ADCY2: variants seen among roughly 807,000 people sequenced by gnomAD.
ADCY2 encodes adenylate cyclase type 2.
ADCY2 carries 31 observed loss-of-function variants against 125.2 expected under a neutral mutation model. The ratio of observed to expected loss-of-function variants is 0.25; its 90% CI spans 0.19 to 0.33. The LOEUF (loss-of-function observed/expected upper bound fraction) is 0.33, where lower values mean the gene tolerates loss of function less well. Among genes scored for constraint, ADCY2 ranks in the 10% least tolerant of loss-of-function variants. The pLI, the probability that ADCY2 is intolerant of heterozygous loss-of-function variation, is 1.00. For synonymous variants in ADCY2, 512 were observed against 548.4 expected, an observed-to-expected ratio of 0.93 and a Z score of 0.93; for missense variants, 904 against 1,418.2, an observed-to-expected ratio of 0.64 and a Z score of 5.82.
At chr5:7,713,967 G>C (rs1318700022) in intron 11 of ADCY2, among the ~76,000 whole-genome samples, 1 of 152,156 alleles carries the variant, frequency 6.6e-6, no homozygotes, top group Non-Finnish European at 1.5e-5. Flanking sequence ...CAAGGCAACA[G>C]GGCACATTAG....
At chr5:7,751,288 G>T (rs1235783363) in intron 15 of ADCY2, among the ~76,000 whole-genome samples, 1 of 152,068 alleles carries the variant, frequency 6.6e-6, no homozygotes, top group East Asian at 1.9e-4. Context: ...ATTTCAGGTT[G>T]TTGTCGTATC....
chr5:7,661,033 T>TG (rs1389070231), intron 4 of ADCY2, among the ~76,000 whole-genome samples: 8 of 152,152 alleles, frequency 5.3e-5, no homozygotes, highest in Non-Finnish European at 8.8e-5. Flanking sequence ...CCCAAGGCAG[T>TG]GTATTTCCTT....
intron 22 of ADCY2, among the ~76,000 whole-genome samples, chr5:7,815,542 C>T (rs76644077): frequency 0.052 from 7,956 of 152,176 alleles, 702 homozygotes; most frequent in African/African-American, 0.18. Flanking sequence ...ATGAATTCTA[C>T]GCATATACTA....
At chr5:7,569,568 C>T (rs1736011105) in intron 3 of ADCY2, among the ~76,000 whole-genome samples, 1 of 152,096 alleles carries the variant, frequency 6.6e-6, no homozygotes, top group African/African-American at 2.4e-5. Context: ...CTTCAGTTAC[C>T]AGGGTACTCC....
At chr5:7,610,782 G>T (rs185380040) in intron 3 of ADCY2, among the ~76,000 whole-genome samples, 2 of 152,252 alleles carry the variant, frequency 1.3e-5, no homozygotes, top group East Asian at 3.9e-4. Flanking sequence ...ATAGAGTGAT[G>T]GTCCAGGCCT....
At chr5:7,707,102 A>G (rs897377511) in intron 8 of ADCY2, among the ~76,000 whole-genome samples, 200 bp downstream of exon 8, 1 of 152,242 alleles carries the variant, frequency 6.6e-6, no homozygotes, top group Non-Finnish European at 1.5e-5. Flanking sequence ...CCCGTTGTCC[A>G]TAGTTCAAAG....
chr5:7,702,217 C>A (rs112287742), intron 7 of ADCY2, among the ~76,000 whole-genome samples: 2,658 of 147,310 alleles, frequency 0.018, 70 homozygotes, highest in African/African-American at 0.054. Context: ...CATAGTGAAA[C>A]CCTGTTTCTT....
intron 3 of ADCY2, among the ~76,000 whole-genome samples, chr5:7,607,235 G>A (rs769794526): frequency 6.6e-6 from 1 of 152,166 alleles, no homozygotes; most frequent in Non-Finnish European, 1.5e-5. Context: ...CACATTTTTA[G>A]CATTCCTGTG....
chr5:7,761,543 T>G (rs1185438333), intron 16 of ADCY2, among the ~76,000 whole-genome samples: 1 of 151,700 alleles, frequency 6.6e-6, no homozygotes, highest in South Asian at 2.1e-4. Flanking sequence ...GAGATCTTTG[T>G]TTTTTTTCAC....
intron 2 of ADCY2, among the ~76,000 whole-genome samples, chr5:7,491,413 T>C (rs1447584641): frequency 1.3e-5 from 2 of 152,186 alleles, no homozygotes; most frequent in African/African-American, 4.8e-5. Flanking sequence ...ATGATATATA[T>C]TTTTTATCAC....
intron 4 of ADCY2, among the ~76,000 whole-genome samples, chr5:7,668,127 G>C (rs1005997721): frequency 6.6e-6 from 1 of 152,250 alleles, no homozygotes; most frequent in Non-Finnish European, 1.5e-5. Context: ...GATGGTTAAT[G>C]TGTCAATTTG....
At chr5:7,619,857 A>G (rs1407969903) in intron 3 of ADCY2, among the ~76,000 whole-genome samples, 1 of 152,206 alleles carries the variant, frequency 6.6e-6, no homozygotes, top group Non-Finnish European at 1.5e-5. Flanking sequence ...AATCAAGTGA[A>G]TCTTCTCCCC....
chr5:7,774,564 G>C (rs1743657273), intron 18 of ADCY2, among the ~76,000 whole-genome samples: 2 of 152,204 alleles, frequency 1.3e-5, no homozygotes, highest in Non-Finnish European at 2.9e-5. Flanking sequence ...TTCTGGTGTG[G>C]AGAGAATTGC....
chr5:7,819,318 A>G (rs1233378561), intron 23 of ADCY2, among the ~76,000 whole-genome samples: 1 of 152,176 alleles, frequency 6.6e-6, no homozygotes, highest in East Asian at 1.9e-4. Context: ...AACTATCGCA[A>G]TGGGAGAATG....
chr5:7,739,527 A>G lies in ADCY2; in HGVS notation c.1872-4141A>G, dbSNP rs13190331. On this transcript the variant is annotated intron_variant, in intron 14 of 24. Transcript: ENST00000338316. ...CTTAGGAAGCAGAAAAAGATGAGCA[A>G]TTTAGAATCAAGCAATTAGAAAGGC... Among the ~76,000 whole-genome samples, 1,042 of 151,962 alleles carry G rather than the reference A, an allele frequency of 6.9e-3. 5 individuals carry two copies. The highest frequency in any genetic ancestry group is 0.011 in the Non-Finnish European group (730 of 67,780).
chr5:7,680,287 G>A (rs1287168210), intron 4 of ADCY2, among the ~76,000 whole-genome samples: 1 of 152,168 alleles, frequency 6.6e-6, no homozygotes, highest in African/African-American at 2.4e-5. Context: ...CTGGACAGAT[G>A]CTGCTAAATA....
intron 23 of ADCY2, 45 bp from the exon 24 acceptor site, chr5:7,820,520 T>C (rs370697447): frequency 6.2e-7 from 1 of 1,608,224 alleles, no homozygotes; most frequent in Non-Finnish European, 8.5e-7. Context: ...AAAAAGACAA[T>C]GGTTATAAGA....
chr5:7,684,272 T>G (rs1455578975), intron 4 of ADCY2, among the ~76,000 whole-genome samples: 1 of 152,226 alleles, frequency 6.6e-6, no homozygotes, highest in Non-Finnish European at 1.5e-5. Context: ...TGCACCAGCC[T>G]GCAGGGCTGA....
At chr5:7,722,769 A>G (rs1413763115) in intron 12 of ADCY2, among the ~76,000 whole-genome samples, 2 of 151,398 alleles carry the variant, frequency 1.3e-5, no homozygotes, top group Non-Finnish European at 2.9e-5. Flanking sequence ...GACCAGCCTG[A>G]CCAACATGGA....
Sources: allele counts gnomAD v4.1 joint callset (sites outside exome capture counted in the v4.1 genomes callset), GRCh38; gene constraint gnomAD v4.1.1; transcripts MANE v1.5; gene names NCBI Gene and HGNC (gene_info 2026-07-23, HGNC 2026-07-21).